Variants in SLIT2 observed in about 807,000 individuals in gnomAD.
The protein encoded by SLIT2 is slit homolog 2 protein.
In SLIT2, 41 loss-of-function variants were observed where a neutral mutation model predicts 185.7. The ratio of observed to expected loss-of-function variants is 0.22; its 90% CI spans 0.17 to 0.29. The LOEUF is 0.29. SLIT2 is among the 10% of genes least tolerant of loss of function. The pLI is 1.00. For missense variants in SLIT2, 1,571 were observed against 1,909.0 expected (o/e 0.82, Z 3.30); for synonymous variants, 693 against 680.2 (o/e 1.02, Z -0.29).
chr4:20,396,648 G>C (rs1409343416), intron 4 of SLIT2, among the ~76,000 whole-genome samples: 1 of 151,506 alleles, frequency 6.6e-6, no homozygotes, highest in Non-Finnish European at 1.5e-5. Flanking sequence ...AGGGTCCTCT[G>C]AGTGTTCTCT....
chr4:20,527,354 C>T (rs922815798), intron 15 of SLIT2, among the ~76,000 whole-genome samples: 3 of 151,798 alleles, frequency 2.0e-5, no homozygotes, highest in Non-Finnish European at 2.9e-5. Context: ...GGCATGATCT[C>T]GGCTCACTGC....
chr4:20,569,715 C>T (rs1725407710), intron 29 of SLIT2, among the ~76,000 whole-genome samples: 1 of 151,818 alleles, frequency 6.6e-6, no homozygotes, highest in African/African-American at 2.4e-5. Context: ...TAATAAATTA[C>T]TTAACATTGA....
At chr4:20,486,368 C>A in intron 7 of SLIT2, 97 bp downstream of exon 7, 1 of 692,704 alleles carries the variant, frequency 1.4e-6, no homozygotes. Flanking sequence ...CACTGGTTTA[C>A]AAGGTAGACA....
At chr4:20,358,140 A>C (rs1242154019) in intron 4 of SLIT2, among the ~76,000 whole-genome samples, 1 of 152,050 alleles carries the variant, frequency 6.6e-6, no homozygotes, top group Non-Finnish European at 1.5e-5. Context: ...CTATCCCTTC[A>C]TGTTCTCTTT....
chr4:20,616,707 A>G, intron 34 of SLIT2: 1 of 470,280 alleles, frequency 2.1e-6, no homozygotes, highest in South Asian at 6.1e-5. Context: ...TGTGGATTAG[A>G]ATTTCCTGGA....
intron 4 of SLIT2, among the ~76,000 whole-genome samples, chr4:20,421,777 C>T (rs1263159773): frequency 1.3e-5 from 2 of 152,160 alleles, no homozygotes; most frequent in African/African-American, 2.4e-5. Flanking sequence ...TGTCAAGAGG[C>T]TCTAAGCATT....
intron 4 of SLIT2, among the ~76,000 whole-genome samples, chr4:20,438,671 C>T (rs1729528810): frequency 6.6e-6 from 1 of 152,156 alleles, no homozygotes; most frequent in African/African-American, 2.4e-5. Context: ...CCCTGAATTC[C>T]CCCTCTGATT....
intron 4 of SLIT2, among the ~76,000 whole-genome samples, chr4:20,424,410 G>C (rs1299634379): frequency 6.6e-6 from 1 of 151,986 alleles, no homozygotes; most frequent in Non-Finnish European, 1.5e-5. Flanking sequence ...GATTCAAAAA[G>C]CCCATGAGTT....
At chr4:20,439,820 G>T (rs933614856) in intron 4 of SLIT2, among the ~76,000 whole-genome samples, 2 of 152,130 alleles carry the variant, frequency 1.3e-5, no homozygotes, top group Non-Finnish European at 2.9e-5. Context: ...GCTTTGTGCT[G>T]TGAACTCCGT....
chr4:20,435,089 G>T (rs1421942433), intron 4 of SLIT2, among the ~76,000 whole-genome samples: 1 of 151,906 alleles, frequency 6.6e-6, no homozygotes, highest in East Asian at 1.9e-4. Flanking sequence ...AAGTTTTTTT[G>T]CTCATAAAAA....
At chr4:20,535,082 C>T (rs989160510) in intron 18 of SLIT2, among the ~76,000 whole-genome samples, 1 of 151,966 alleles carries the variant, frequency 6.6e-6, no homozygotes, top group Non-Finnish European at 1.5e-5. Context: ...GGGCAGATCA[C>T]GAGGTCAGGA....
intron 36 of SLIT2, among the ~76,000 whole-genome samples, chr4:20,617,867 T>C (rs1044033711): frequency 6.6e-6 from 1 of 152,142 alleles, no homozygotes; most frequent in Non-Finnish European, 1.5e-5. Flanking sequence ...AGCTGTGAAA[T>C]GACCTTAAAC....
chr4:20,561,751 CT>C (rs1458856296), intron 26 of SLIT2, among the ~76,000 whole-genome samples: 2 of 151,404 alleles, frequency 1.3e-5, no homozygotes, highest in African/African-American at 2.4e-5. Flanking sequence ...TGCTTATTGG[CT>C]AAAGAGAACA....
intron 33 of SLIT2, among the ~76,000 whole-genome samples, chr4:20,607,045 T>C (rs1728845498): frequency 1.3e-5 from 2 of 152,238 alleles, no homozygotes; most frequent in South Asian, 4.1e-4. Flanking sequence ...ATGTGTCACC[T>C]TGGATGTCCT....
intron 3 of SLIT2, among the ~76,000 whole-genome samples, chr4:20,259,465 C>A (rs1712209992): frequency 6.6e-6 from 1 of 151,554 alleles, no homozygotes; most frequent in Admixed American, 6.6e-5. Context: ...ACTTCCAAAC[C>A]ATTGAAGGAG....
intron 4 of SLIT2, among the ~76,000 whole-genome samples, chr4:20,337,788 T>G (rs1560330182): frequency 6.6e-6 from 1 of 152,158 alleles, no homozygotes; most frequent in East Asian, 1.9e-4. Context: ...AGCAGATGGC[T>G]TCTATATTCT....
intron 3 of SLIT2, among the ~76,000 whole-genome samples, chr4:20,259,913 A>G (rs756089096): frequency 1.3e-5 from 2 of 151,796 alleles, no homozygotes; most frequent in South Asian, 4.1e-4. Flanking sequence ...ACAACTGCCA[A>G]ATCCATCTGA....
chr4:20,526,715 T>C (rs551403168), intron 15 of SLIT2, among the ~76,000 whole-genome samples: 8 of 152,224 alleles, frequency 5.3e-5, no homozygotes, highest in Non-Finnish European at 8.8e-5. Context: ...AAATATCATG[T>C]CTTAAGTTTC....
intron 26 of SLIT2, among the ~76,000 whole-genome samples, chr4:20,556,752 AT>A (rs763481532): frequency 2.0e-5 from 3 of 151,760 alleles, no homozygotes; most frequent in African/African-American, 7.3e-5. Flanking sequence ...AACAACAAAA[AT>A]GTAGCAAGGA....
Sources: allele counts gnomAD v4.1 joint callset (sites outside exome capture counted in the v4.1 genomes callset), GRCh38; gene constraint gnomAD v4.1.1; transcripts MANE v1.5; gene names NCBI Gene and HGNC (gene_info 2026-07-23, HGNC 2026-07-21).